VTI1A: variants seen among roughly 807,000 people sequenced by gnomAD.
The protein encoded by VTI1A is vesicle transport through interaction with t-SNAREs 1A.
Under a neutral mutation model 34.9 loss-of-function variants are expected in VTI1A, and 22 were observed. The ratio of observed to expected loss-of-function variants is 0.63; its 90% CI spans 0.45 to 0.90. The LOEUF (loss-of-function observed/expected upper bound fraction) is 0.90. Ranked by LOEUF, VTI1A falls within the 40% of genes least tolerant of loss-of-function variation. The pLI is 0.00. For synonymous variants in VTI1A, 87 were observed against 97.3 expected, an observed-to-expected ratio of 0.89 and a Z score of 0.62; for missense variants, 268 against 275.6, an observed-to-expected ratio of 0.97 and a Z score of 0.20.
At chr10:112,838,971 G>A in the VTI1A span, among the ~76,000 whole-genome samples, 1 of 152,182 alleles carries the variant, frequency 6.6e-6, no homozygotes, top group Non-Finnish European at 1.5e-5. Context: ...TGCAGCTGAT[G>A]CAAGAACGCC....
At chr10:112,575,501 G>A (rs1029354131) in intron 5 of VTI1A, among the ~76,000 whole-genome samples, 5 of 152,138 alleles carry the variant, frequency 3.3e-5, no homozygotes, top group Admixed American at 6.5e-5. Flanking sequence ...TTCAGTAAGC[G>A]TTTGTTCGCG....
intron 3 of VTI1A, among the ~76,000 whole-genome samples, chr10:112,513,604 G>T (rs1589848910): frequency 6.6e-6 from 1 of 151,904 alleles, no homozygotes; most frequent in Non-Finnish European, 1.5e-5. Context: ...GGGCATCTTT[G>T]TCTTATCCCG....
At chr10:112,700,035 T>C (rs1848945163) in intron 7 of VTI1A, among the ~76,000 whole-genome samples, 2 of 150,474 alleles carry the variant, frequency 1.3e-5, no homozygotes, top group Non-Finnish European at 3.0e-5. Context: ...AGAGAATTGC[T>C]TGAACCCAGG....
the VTI1A span, among the ~76,000 whole-genome samples, chr10:112,833,751 A>C: frequency 1.3e-5 from 2 of 152,108 alleles, no homozygotes; most frequent in Non-Finnish European, 2.9e-5. Flanking sequence ...GGGGCATCAA[A>C]GTGCTGGGAG....
chr10:112,668,352 G>C, intron 6 of VTI1A, 64 bp downstream of exon 6: 1 of 1,529,064 alleles, frequency 6.5e-7, no homozygotes, highest in East Asian at 2.3e-5. Flanking sequence ...GAAAGGCATT[G>C]GGACATAAAC....
chr10:112,842,799 T>A, the VTI1A span, among the ~76,000 whole-genome samples: 1 of 152,334 alleles, frequency 6.6e-6, no homozygotes, highest in East Asian at 1.9e-4. Context: ...AACCAAGTTC[T>A]GTTCCCTGCC....
intron 7 of VTI1A, among the ~76,000 whole-genome samples, chr10:112,724,255 A>G (rs1433184939): frequency 4.6e-5 from 7 of 152,338 alleles, no homozygotes; most frequent in African/African-American, 1.7e-4. Flanking sequence ...TTAATAACAT[A>G]TAAGAGGATA....
chr10:112,488,803 A>G (rs1848729320), intron 3 of VTI1A, among the ~76,000 whole-genome samples: 1 of 152,224 alleles, frequency 6.6e-6, no homozygotes, highest in Admixed American at 6.5e-5. Flanking sequence ...AGCTAAGTAT[A>G]CCATGAAAGG....
chr10:112,623,700 C>G (rs180703791), intron 5 of VTI1A, among the ~76,000 whole-genome samples: 1 of 152,124 alleles, frequency 6.6e-6, no homozygotes, highest in Admixed American at 6.5e-5. Flanking sequence ...GTTTTATAAT[C>G]CATTCCTATA....
chr10:112,561,204 T>C lies in VTI1A; in HGVS notation c.427+22874T>C, dbSNP rs7095157. ...TTAATAAGCATTTGGTGGTAAAGATTTTAAGCCAATAATGAATCTAGGTTC... is the reference window on the plus strand; with the variant it reads ...TTAATAAGCATTTGGTGGTAAAGATCTTAAGCCAATAATGAATCTAGGTTC... On this transcript the variant is annotated intron_variant, in intron 5 of 7. Coordinates refer to ENST00000393077, the MANE Select transcript of VTI1A (RefSeq NM_145206.4). Among the ~76,000 whole-genome samples the C allele has an allele frequency of 5.1e-3, 784 of 152,326 alleles. 12 individuals are homozygous for C. The highest frequency in any genetic ancestry group is 0.018 in the African/African-American group (759 of 41,576).
intron 7 of VTI1A, among the ~76,000 whole-genome samples, chr10:112,700,950 G>A (rs1353121274): frequency 2.6e-5 from 4 of 152,180 alleles, no homozygotes; most frequent in Non-Finnish European, 4.4e-5. Context: ...TTGTGCTCAC[G>A]ATTATCAGAA....
intron 3 of VTI1A, among the ~76,000 whole-genome samples, chr10:112,466,220 T>TACA (rs1438565857): frequency 6.6e-6 from 1 of 152,174 alleles, no homozygotes; most frequent in Non-Finnish European, 1.5e-5. Context: ...TTTTGGAGGG[T>TACA]ACAGCTTCTA....
At chr10:112,674,777 T>A (rs1847970756) in intron 7 of VTI1A, among the ~76,000 whole-genome samples, 1 of 152,218 alleles carries the variant, frequency 6.6e-6, no homozygotes, top group Non-Finnish European at 1.5e-5. Context: ...ATTCACATAT[T>A]GTAGAAAGGA....
chr10:112,681,980 C>T (rs1023086848), intron 7 of VTI1A, among the ~76,000 whole-genome samples: 2 of 152,070 alleles, frequency 1.3e-5, no homozygotes, highest in Non-Finnish European at 2.9e-5. Flanking sequence ...TATTAGAAAA[C>T]TTGCTCAGCC....
At chr10:112,484,702 T>C (rs923683585) in intron 3 of VTI1A, among the ~76,000 whole-genome samples, 3 of 152,236 alleles carry the variant, frequency 2.0e-5, no homozygotes, top group South Asian at 4.1e-4. Context: ...ATTTAACAGA[T>C]GCTGTACATA....
chr10:112,652,106 CTT>C (rs999400364), intron 5 of VTI1A, among the ~76,000 whole-genome samples: 12 of 152,192 alleles, frequency 7.9e-5, no homozygotes, highest in Non-Finnish European at 1.5e-5. Context: ...AAAAACAACT[CTT>C]TGAATCAAAG....
chr10:112,758,968 T>A (rs1851371086), intron 7 of VTI1A, among the ~76,000 whole-genome samples: 1 of 152,200 alleles, frequency 6.6e-6, no homozygotes, highest in Non-Finnish European at 1.5e-5. Flanking sequence ...GATATGAGCC[T>A]TTTATCTTGG....
At chr10:112,483,902 C>T (rs1480030042) in intron 3 of VTI1A, among the ~76,000 whole-genome samples, 1 of 152,180 alleles carries the variant, frequency 6.6e-6, no homozygotes, top group Non-Finnish European at 1.5e-5. Context: ...GTGATGAAAG[C>T]TAACACACTT....
intron 5 of VTI1A, among the ~76,000 whole-genome samples, chr10:112,544,448 A>C (rs1850995681): frequency 6.6e-6 from 1 of 151,912 alleles, no homozygotes; most frequent in Admixed American, 6.6e-5. Flanking sequence ...TTATCCACCC[A>C]CCTTGGCCTC....
Sources: allele counts gnomAD v4.1 joint callset (sites outside exome capture counted in the v4.1 genomes callset), GRCh38; gene constraint gnomAD v4.1.1; transcripts MANE v1.5; gene names NCBI Gene and HGNC (gene_info 2026-07-23, HGNC 2026-07-21).